PHF21A: variants seen among roughly 807,000 people sequenced by gnomAD.
PHF21A encodes the protein PHD finger protein 21A, also known as BHC80a.
In PHF21A, 11 loss-of-function variants were observed where a neutral mutation model predicts 82.5. That is an observed-to-expected ratio of 0.13 (90% CI 0.08 to 0.22). The LOEUF (loss-of-function observed/expected upper bound fraction) is 0.22, where lower values mean the gene tolerates loss of function less well. Ranked by LOEUF, PHF21A falls within the 10% of genes least tolerant of loss-of-function variation. The probability of loss-of-function intolerance (pLI) is 1.00; values close to 1 mark genes in which losing one functional copy is unlikely to be tolerated. For synonymous variants in PHF21A, 297 were observed against 302.8 expected (o/e 0.98, Z 0.20); for missense variants, 579 against 837.8 (o/e 0.69, Z 3.81).
chr11:45,939,865 G>A (rs1466287054), intron 15 of PHF21A, among the ~76,000 whole-genome samples: 1 of 151,294 alleles, frequency 6.6e-6, no homozygotes, highest in Non-Finnish European at 1.5e-5. Flanking sequence ...TAAATCCACT[G>A]ATAAGAACAC....
At chr11:45,949,367 A>T (rs371211882) in intron 13 of PHF21A, 35 bp downstream of exon 13, 1 of 1,555,426 alleles carries the variant, frequency 6.4e-7, no homozygotes, top group African/African-American at 1.4e-5. Flanking sequence ...TAAAACTGGA[A>T]CATGAGGGAA....
intron 4 of PHF21A, among the ~76,000 whole-genome samples, chr11:46,082,360 C>T (rs1222000051): frequency 2.6e-5 from 4 of 152,198 alleles, no homozygotes; most frequent in Non-Finnish European, 5.9e-5. Context: ...ACCAACACCC[C>T]TACCTTGATG....
At chr11:45,971,010 T>C in intron 8 of PHF21A, 106 bp downstream of exon 8, 1 of 1,328,548 alleles carries the variant, frequency 7.5e-7, no homozygotes, top group South Asian at 1.5e-5. Context: ...GCTAGAAGAA[T>C]GATGGAAACT....
intron 6 of PHF21A, among the ~76,000 whole-genome samples, chr11:46,025,442 G>T (rs2095721232): frequency 6.6e-6 from 1 of 152,210 alleles, no homozygotes; most frequent in South Asian, 2.1e-4. Context: ...GACCTTCCAT[G>T]ATAATCGATT....
intron 15 of PHF21A, among the ~76,000 whole-genome samples, chr11:45,939,128 G>A (rs767424652): frequency 2.0e-5 from 3 of 152,312 alleles, no homozygotes; most frequent in Admixed American, 6.5e-5. Flanking sequence ...CACTGCACCC[G>A]GCCGGGACTA....
intron 10 of PHF21A, among the ~76,000 whole-genome samples, chr11:45,958,347 G>C (rs1329839764): frequency 7.5e-6 from 1 of 132,998 alleles, no homozygotes; most frequent in Non-Finnish European, 1.6e-5. Flanking sequence ...CAGATAGCTT[G>C]AGCTCAGGGG....
At chr11:46,040,116 G>A (rs2096097064) in intron 6 of PHF21A, among the ~76,000 whole-genome samples, 2 of 152,276 alleles carry the variant, frequency 1.3e-5, no homozygotes, top group African/African-American at 4.8e-5. Context: ...ATATAACAGG[G>A]TTACTAGATG....
intron 1 of PHF21A, among the ~76,000 whole-genome samples, chr11:46,101,743 C>A (rs2097098120): frequency 6.6e-6 from 1 of 152,124 alleles, no homozygotes; most frequent in African/African-American, 2.4e-5. Flanking sequence ...TTAATCAATC[C>A]ACCCAACTCA....
At chr11:46,110,109 C>A (rs866311464) in intron 1 of PHF21A, among the ~76,000 whole-genome samples, 1 of 151,794 alleles carries the variant, frequency 6.6e-6, no homozygotes, top group Non-Finnish European at 1.5e-5. Flanking sequence ...ATCTTAAAAC[C>A]CAGCCCCTTA....
At chr11:45,968,684 T>G (rs905660956) in intron 9 of PHF21A, among the ~76,000 whole-genome samples, 1 of 151,904 alleles carries the variant, frequency 6.6e-6, no homozygotes, top group African/African-American at 2.4e-5. Context: ...AACCCAGCAC[T>G]TTGGGAGGCC....
intron 1 of PHF21A, among the ~76,000 whole-genome samples, chr11:46,100,886 C>T (rs1011825447): frequency 1.4e-4 from 21 of 152,326 alleles, no homozygotes; most frequent in African/African-American, 4.6e-4. Context: ...ACTGTTACCA[C>T]GTCTAAAGAT....
intron 6 of PHF21A, among the ~76,000 whole-genome samples, chr11:46,063,182 C>CG (rs761826469): frequency 3.3e-5 from 5 of 151,776 alleles, no homozygotes; most frequent in South Asian, 2.1e-4. Context: ...TTGAATTCGC[C>CG]GGGGGGGCTG....
chr11:46,111,077 G>A (rs1395575823), intron 1 of PHF21A, among the ~76,000 whole-genome samples: 1 of 151,328 alleles, frequency 6.6e-6, no homozygotes, highest in South Asian at 2.1e-4. Flanking sequence ...GAGCCACCGC[G>A]CCTGGCCATA....
At chr11:45,963,308 T>C (rs1278955515) in intron 10 of PHF21A, among the ~76,000 whole-genome samples, 1 of 151,410 alleles carries the variant, frequency 6.6e-6, no homozygotes, top group Non-Finnish European at 1.5e-5. Flanking sequence ...TAATCTCAGC[T>C]ACTTGGGAGG....
chr11:45,933,797 A>C lies in PHF21A; in HGVS notation c.*171T>G. On this transcript the variant is annotated 3_prime_UTR_variant, in exon 19 of 19. Coordinates refer to ENST00000676320, the MANE Select transcript of PHF21A (RefSeq NM_001352027.3). ...TGCATGTACACACAGAATAAGAAGGATCAATTGGCAAACTCTGGTGCCACC... is the reference window on the plus strand; with the variant it reads ...TGCATGTACACACAGAATAAGAAGGCTCAATTGGCAAACTCTGGTGCCACC... 1 of 571,188 alleles carries C rather than the reference A, an allele frequency of 1.8e-6. No homozygotes were observed. Among genetic ancestry groups the C allele is most frequent in the Non-Finnish European group, 3.0e-6 (1 of 334,554 alleles). 35.4% of individuals were successfully genotyped at this position (571,188 alleles called of 1,614,324 possible).
intron 5 of PHF21A, among the ~76,000 whole-genome samples, chr11:46,077,782 C>T (rs2096744225): frequency 6.6e-6 from 1 of 152,172 alleles, no homozygotes; most frequent in Non-Finnish European, 1.5e-5. Context: ...TACATGATCA[C>T]CAACTATAAC....
At chr11:45,982,576 T>C (rs2094343952) in intron 6 of PHF21A, among the ~76,000 whole-genome samples, 1 of 152,222 alleles carries the variant, frequency 6.6e-6, no homozygotes, top group Non-Finnish European at 1.5e-5. Flanking sequence ...GTAATAGCAG[T>C]GGTGCTGCAG....
intron 17 of PHF21A, 102 bp downstream of exon 17, chr11:45,936,392 T>C: frequency 1.3e-6 from 1 of 743,698 alleles, no homozygotes; most frequent in Middle Eastern, 3.2e-4. Flanking sequence ...AAGGTTTTCA[T>C]TTTTAAATTT....
intron 7 of PHF21A, among the ~76,000 whole-genome samples, chr11:45,971,905 T>TTTTTTTTTGTTTTTTTTTTTTTTTTTTA (rs1452859819): frequency 1.1e-5 from 1 of 89,940 alleles, no homozygotes; most frequent in Non-Finnish European, 2.2e-5. Context: ...TTTTTTTTTT[T>TTTTTTTTTGTTTTTTTTTTTTTTTTTTA]ATGGTGTCAC....
Sources: gnomAD v4.1 joint callset for allele counts (sites outside exome capture counted in the v4.1 genomes callset) on GRCh38, gnomAD v4.1.1 for gene constraint, MANE v1.5 for transcripts, NCBI Gene and HGNC (gene_info 2026-07-23, HGNC 2026-07-21) for gene names.